PCDHA6: variants seen among roughly 807,000 people sequenced by gnomAD.
PCDHA6 encodes the protein protocadherin alpha-6.
In PCDHA6, 55 loss-of-function variants were observed where a neutral mutation model predicts 60.3. The observed-to-expected ratio is 0.91, with a 90% confidence interval of 0.73 to 1.14. The LOEUF is 1.14. Ranked by LOEUF, PCDHA6 falls within the 50% of genes most tolerant of loss-of-function variation. PCDHA6 has a pLI of 0.00. For synonymous variants in PCDHA6, 652 were observed against 557.9 expected, an observed-to-expected ratio of 1.17 and a Z score of -2.38; for missense variants, 1,327 against 1,256.5, an observed-to-expected ratio of 1.06 and a Z score of -0.85.
At chr5:140,857,366 G>A in intron 1 of PCDHA6, 1 of 1,598,350 alleles carries the variant, frequency 6.3e-7, no homozygotes, top group Non-Finnish European at 8.6e-7. Context: ...CACGGCCAGC[G>A]TGTCTGTGGA....
intron 1 of PCDHA6, chr5:140,871,513 C>T (rs1554165693): frequency 6.4e-7 from 1 of 1,574,300 alleles, no homozygotes; most frequent in South Asian, 1.2e-5. Context: ...TCTACAGATT[C>T]CACCTATCAG....
In PCDHA6 at chr5:140,968,959, C is replaced by T. The variant is rs782079520; in HGVS notation, c.2395-9990C>T. ...TCATCATTTTGAGCATCATCAAGTG[C>T]TACCGCTACACTGCGTATGGCACTG... On this transcript the variant is annotated intron_variant, in intron 1 of 3. Transcript: ENST00000529310. The T allele has an allele frequency of 1.5e-5, 25 of 1,614,182 alleles. 1 individual carries two copies. In the Middle Eastern group the frequency reaches 1.8e-3, roughly 117 times the overall value.
intron 1 of PCDHA6, chr5:140,842,322 G>T (rs1349163820): frequency 6.2e-7 from 1 of 1,607,612 alleles, no homozygotes. Flanking sequence ...GCGGGTCATT[G>T]CACCGTTTTA....
chr5:140,986,154 A>G (rs2097188970), intron 3 of PCDHA6, among the ~76,000 whole-genome samples: 1 of 152,182 alleles, frequency 6.6e-6, no homozygotes, highest in Non-Finnish European at 1.5e-5. Context: ...TCACCAAGTA[A>G]TGTTTTCTGC....
intron 1 of PCDHA6, among the ~76,000 whole-genome samples, chr5:140,910,092 C>T (rs1554194118): frequency 6.6e-6 from 1 of 152,170 alleles, no homozygotes; most frequent in African/African-American, 2.4e-5. Context: ...GGGGAACCAG[C>T]CTCCCCTTCA....
intron 1 of PCDHA6, among the ~76,000 whole-genome samples, chr5:140,880,101 T>C (rs1190307689): frequency 6.6e-6 from 1 of 152,192 alleles, no homozygotes; most frequent in Non-Finnish European, 1.5e-5. Context: ...CTTAAAATCA[T>C]AGAAGGATAG....
intron 1 of PCDHA6, among the ~76,000 whole-genome samples, chr5:140,971,333 G>A (rs1015985935): frequency 6.6e-6 from 1 of 152,194 alleles, no homozygotes. Context: ...AATTATTTCA[G>A]AAAGTGCTTG....
rs2150249595 is a variant in PCDHA6 at position 140,835,988 on chromosome 5, G to A, written c.2394+5503G>A. Reference sequence around the variant, plus strand: ...AGCTGGAGCTGTTGCAGTTCCAGGTGAGCGCGCGCGATGCGGGCGTGCCGC... The same window carrying A: ...AGCTGGAGCTGTTGCAGTTCCAGGTAAGCGCGCGCGATGCGGGCGTGCCGC... On this transcript the variant is annotated intron_variant, in intron 1 of 3. Transcript: ENST00000529310. 6.1e-5 allele frequency: 99 copies of A among 1,613,224 alleles called. 1 individual carries two copies. The highest frequency in any genetic ancestry group is 7.6e-5 in the Non-Finnish European group (90 of 1,179,718).
rs139314570 is a variant in PCDHA6, at chr5:140,952,780, A to G, written c.2395-26169A>G. 2.0e-3 allele frequency among the ~76,000 whole-genome samples: 310 copies of G among 152,316 alleles called. 3 individuals are homozygous for G. The highest frequency in any genetic ancestry group is 7.3e-3 in the African/African-American group (302 of 41,572). On this transcript the variant is annotated intron_variant, in intron 1 of 3. Transcript: ENST00000529310. ...CTGAGACTGGATAATTTAGAAAGAA[A>G]AGAGGTTTAACTGGCTCGCAGTTCT... is the stretch of plus-strand genomic sequence containing the variant.
In PCDHA6 at chr5:140,828,554, G is replaced by C; in HGVS notation, c.463G>C (p.Glu155Gln). 1 of 1,614,212 alleles carries C rather than the reference G, an allele frequency of 6.2e-7. No homozygotes were observed. The change falls in exon 1 of 4, where the codon GAG becomes CAG. Residue 155 changes from glutamate to glutamine, a missense_variant. Transcript: ENST00000529310. ...GCTGCCAGATTCTGTGTTTCCACTG[G>C]AGGGCGCGTCCGATGCAGATGTTGG... ...SRLPDSVFPL[E>Q]GASDADVGSN...
intron 1 of PCDHA6, chr5:140,871,103 C>G (rs202137231): frequency 4.3e-6 from 7 of 1,613,290 alleles, no homozygotes; most frequent in South Asian, 2.2e-5. Flanking sequence ...GTGCTGGTGT[C>G]GTTGGTGGAG....
At chr5:140,854,558 G>A (rs1344773407) in intron 1 of PCDHA6, 1 of 149,764 alleles carries the variant, frequency 6.7e-6, no homozygotes, top group East Asian at 1.9e-4. Flanking sequence ...CATAAATATT[G>A]TTGCTCTGTC....
At chr5:140,884,049 T>C (rs1268930422) in intron 1 of PCDHA6, 2 of 1,613,296 alleles carry the variant, frequency 1.2e-6, no homozygotes, top group African/African-American at 1.3e-5. Flanking sequence ...GTGGCGAAGG[T>C]GCGCGCGGTG....
At chr5:140,928,123 T>C in intron 1 of PCDHA6, 1 of 1,614,200 alleles carries the variant, frequency 6.2e-7, no homozygotes, top group Non-Finnish European at 8.5e-7. Context: ...GATCAGTGAA[T>C]ACCAAGTCCT....
chr5:140,868,327 T>C (rs1554161889), intron 1 of PCDHA6: 1 of 152,138 alleles, frequency 6.6e-6, no homozygotes, highest in Non-Finnish European at 1.5e-5. Context: ...CTGCAATGAA[T>C]ATAAAGTCAC....
chr5:140,933,332 G>A (rs2089060279), intron 1 of PCDHA6, among the ~76,000 whole-genome samples: 1 of 151,968 alleles, frequency 6.6e-6, no homozygotes, highest in African/African-American at 2.4e-5. Context: ...CTGTGCTGTA[G>A]AGAAAGATAA....
At chr5:140,864,745 T>G (rs528957668) in intron 1 of PCDHA6, 1 of 152,328 alleles carries the variant, frequency 6.6e-6, no homozygotes, top group Non-Finnish European at 1.5e-5. Flanking sequence ...GAGCACCGAT[T>G]ATACTCATTT....
At chr5:140,958,711 T>C (rs1402769483) in intron 1 of PCDHA6, among the ~76,000 whole-genome samples, 1 of 152,216 alleles carries the variant, frequency 6.6e-6, no homozygotes, top group Non-Finnish European at 1.5e-5. Flanking sequence ...AACTCTGTTA[T>C]AATAAATGTA....
intron 1 of PCDHA6, among the ~76,000 whole-genome samples, chr5:140,898,811 C>T (rs1277456601): frequency 6.6e-6 from 1 of 152,190 alleles, no homozygotes; most frequent in Non-Finnish European, 1.5e-5. Context: ...ACTGATTCTT[C>T]CTACCCATGA....
Sources: gnomAD v4.1 joint callset for allele counts (sites outside exome capture counted in the v4.1 genomes callset) on GRCh38, gnomAD v4.1.1 for gene constraint, MANE v1.5 for transcripts, NCBI Gene and HGNC (gene_info 2026-07-23, HGNC 2026-07-21) for gene names.